The following ANKRD31 variants were observed in gnomAD, a reference collection of about 807,000 sequenced individuals.
The protein encoded by ANKRD31 is ankyrin repeat domain-containing protein 31.
In ANKRD31, 147 loss-of-function variants were observed where a neutral mutation model predicts 186.0. The ratio of observed to expected loss-of-function variants is 0.79; its 90% confidence interval spans 0.69 to 0.91. The LOEUF (loss-of-function observed/expected upper bound fraction) is 0.91. ANKRD31 is among the 40% of genes least tolerant of loss of function. The probability of loss-of-function intolerance (pLI) is 0.00; values close to 1 mark genes in which losing one functional copy is unlikely to be tolerated. For synonymous variants in ANKRD31, 673 were observed against 736.4 expected (o/e 0.91, Z 1.39); for missense variants, 1,986 against 2,148.8 (o/e 0.92, Z 1.50).
At chr5:75,153,259 C>T (rs772834954) in intron 12 of ANKRD31, among the ~76,000 whole-genome samples, 2 of 152,100 alleles carry the variant, frequency 1.3e-5, no homozygotes, top group Non-Finnish European at 2.9e-5. Flanking sequence ...CTGTGACTCT[C>T]ATCTAGAACC....
rs1030974334 is a variant in ANKRD31 at position 75,188,413 on chromosome 5, T to C, written c.1564+80A>G. On this transcript the variant is annotated intron_variant, in intron 10 of 25. Coordinates refer to ENST00000506364, the MANE Select transcript of ANKRD31 (RefSeq NM_001372053.1). Reference sequence around the variant, plus strand: ...GTTTGGAACTTACCTTAGGCTCACTTTGCTATACTTTCCTAAGAGTGATTC... The same window carrying C: ...GTTTGGAACTTACCTTAGGCTCACTCTGCTATACTTTCCTAAGAGTGATTC... 10 of 1,350,814 alleles carry C rather than the reference T, an allele frequency of 7.4e-6. No homozygotes were observed. The Admixed American group carries it at 8.5e-5, about 11-fold the overall frequency. The allele number at this position is 1,350,814 out of a possible 1,614,324, so 83.7% of individuals were successfully genotyped here. A position where few individuals can be genotyped will look rare whatever the true frequency, so the allele number is the denominator to read the frequency against.
chr5:75,141,593 G>A (rs1055874841), intron 15 of ANKRD31, among the ~76,000 whole-genome samples: 4 of 151,922 alleles, frequency 2.6e-5, no homozygotes, highest in African/African-American at 7.3e-5. Flanking sequence ...AGTCGAGATC[G>A]TGCCACTGCA....
intron 17 of ANKRD31, among the ~76,000 whole-genome samples, chr5:75,131,837 C>CA (rs1162307888): frequency 6.6e-6 from 1 of 152,206 alleles, no homozygotes; most frequent in Non-Finnish European, 1.5e-5. Flanking sequence ...CAGGCAGCAA[C>CA]ATTTGCCGTT....
intron 22 of ANKRD31, among the ~76,000 whole-genome samples, chr5:75,099,675 C>T (rs1004334741): frequency 6.6e-6 from 1 of 152,034 alleles, no homozygotes; most frequent in Admixed American, 6.6e-5. Context: ...TGTATGTGTC[C>T]AGGAATTTAT....
At chr5:75,147,600 C>T (rs1751570350) in intron 13 of ANKRD31, 95 bp from the exon 14 acceptor site, 2 of 921,686 alleles carry the variant, frequency 2.2e-6, no homozygotes, top group Non-Finnish European at 3.1e-6. Context: ...TTATTTGATT[C>T]AAACTATTAT....
intron 21 of ANKRD31, 146 bp from the exon 22 acceptor site, chr5:75,105,364 A>C (rs1302862173): frequency 2.3e-6 from 2 of 879,706 alleles, no homozygotes; most frequent in Non-Finnish European, 3.1e-6. Context: ...ACTGCCTTTG[A>C]TTTTTTTAAT....
intron 6 of ANKRD31, among the ~76,000 whole-genome samples, chr5:75,197,266 G>T (rs1443050181): frequency 6.6e-6 from 1 of 152,158 alleles, no homozygotes; most frequent in Non-Finnish European, 1.5e-5. Flanking sequence ...TTCAGAATGA[G>T]TTTATAAGCC....
intron 15 of ANKRD31, among the ~76,000 whole-genome samples, chr5:75,141,406 A>G (rs933633950): frequency 5.9e-5 from 9 of 152,050 alleles, no homozygotes; most frequent in African/African-American, 1.7e-4. Context: ...TATATCTCAG[A>G]TTGCAGGCCT....
At chr5:75,221,900 T>C (rs897599073) in intron 3 of ANKRD31, among the ~76,000 whole-genome samples, 3 of 152,218 alleles carry the variant, frequency 2.0e-5, no homozygotes, top group African/African-American at 4.8e-5. Context: ...TAAAAGAATA[T>C]GTATTGACTA....
intron 3 of ANKRD31, 49 bp downstream of exon 3, chr5:75,222,200 A>G (rs1248687640): frequency 7.4e-7 from 1 of 1,350,448 alleles, no homozygotes; most frequent in Non-Finnish European, 1.0e-6. Context: ...TCTGAGCGAT[A>G]GCATTTCCAA....
chr5:75,104,242 C>T lies in ANKRD31; in HGVS notation c.5317G>A (p.Glu1773Lys), dbSNP rs1313175894. 6.6e-7 allele frequency: 1 copy of T among 1,504,290 alleles called. No individual in the cohort carries two copies. The highest frequency in any genetic ancestry group is 8.8e-7 in the Non-Finnish European group (1 of 1,131,296). The allele number at this position is 1,504,290 out of a possible 1,614,324, so 93.2% of individuals were successfully genotyped here. A position where few individuals can be genotyped will look rare whatever the true frequency, so the allele number is the denominator to read the frequency against. Residue 1773 changes from glutamate to lysine, a missense_variant, in exon 22 of 26, where the codon GAA (glutamate) becomes AAA (lysine). By Grantham distance (56) the Glu-to-Lys change is moderately conservative (BLOSUM62 1). Coordinates refer to ENST00000506364, the MANE Select transcript of ANKRD31 (RefSeq NM_001372053.1). ...GRINPGNNIL[E>K]FKTQETTHKA... The stretch of plus-strand genomic sequence containing the variant: ...ATATAGAATACCTGTGTTTTGAATT[C>T]CAGAATGTTATTTCCTGGGTTAATT...
At chr5:75,165,594 C>T (rs1419348071) in intron 11 of ANKRD31, among the ~76,000 whole-genome samples, 1 of 152,118 alleles carries the variant, frequency 6.6e-6, no homozygotes, top group African/African-American at 2.4e-5. Flanking sequence ...AAAGCAATAA[C>T]ATCCAATAGC....
chr5:75,236,794 A>C lies in ANKRD31; in HGVS notation c.-108T>G. 2 of 924,378 alleles carry C rather than the reference A, an allele frequency of 2.2e-6. No homozygotes were observed. The highest frequency in any genetic ancestry group is 3.2e-6 in the Non-Finnish European group (2 of 634,726). 57.3% of individuals were successfully genotyped at this position (924,378 alleles called of 1,614,324 possible). ...GAAATTGTGAATTAAAAATAAAAAT[A>C]ATATAATCGCAGCAGGAGCCGGGAC... On this transcript the variant is annotated 5_prime_UTR_variant, in exon 1 of 26. It adds an upstream start codon to the 5' untranslated region. Transcript: ENST00000506364.
intron 13 of ANKRD31, 93 bp from the exon 14 acceptor site, chr5:75,147,598 T>TTTA: frequency 3.2e-6 from 3 of 933,128 alleles, no homozygotes; most frequent in South Asian, 2.3e-5. Flanking sequence ...TATTATTTGA[T>TTTA]TCAAACTATT....
chr5:75,153,043 C>A (rs761339516), intron 12 of ANKRD31, among the ~76,000 whole-genome samples: 1 of 151,934 alleles, frequency 6.6e-6, no homozygotes, highest in Admixed American at 6.6e-5. Flanking sequence ...AAAAGACTGG[C>A]TTTTGTCTAA....
At chr5:75,102,006 C>T (rs1746931505) in intron 22 of ANKRD31, among the ~76,000 whole-genome samples, 1 of 152,194 alleles carries the variant, frequency 6.6e-6, no homozygotes, top group Admixed American at 6.5e-5. Flanking sequence ...AGAAGAGGTG[C>T]TCTGATTTTT....
intron 22 of ANKRD31, among the ~76,000 whole-genome samples, chr5:75,099,959 T>C (rs989802184): frequency 3.9e-5 from 6 of 152,214 alleles, no homozygotes; most frequent in African/African-American, 1.4e-4. Context: ...TCTTGACTTC[T>C]GCTAGCTTTT....
chr5:75,176,867 A>C (rs181533693), intron 10 of ANKRD31, among the ~76,000 whole-genome samples: 11 of 152,354 alleles, frequency 7.2e-5, no homozygotes, highest in African/African-American at 2.6e-4. Context: ...CCAGCAATGG[A>C]ACAAAGCTGG....
intron 20 of ANKRD31, among the ~76,000 whole-genome samples, chr5:75,110,321 GAGA>G (rs1449352226): frequency 6.6e-6 from 1 of 152,140 alleles, no homozygotes; most frequent in Non-Finnish European, 1.5e-5. Flanking sequence ...AGTTATGGTA[GAGA>G]AGGAGTAAAT....
Sources: allele counts gnomAD v4.1 joint callset (sites outside exome capture counted in the v4.1 genomes callset), GRCh38; gene constraint gnomAD v4.1.1; transcripts MANE v1.5; gene names NCBI Gene and HGNC (gene_info 2026-07-23, HGNC 2026-07-21).